SDK1: variants seen among roughly 807,000 people sequenced by gnomAD.
The protein encoded by SDK1 is sidekick cell adhesion molecule 1, also known as protein sidekick-1.
A neutral mutation model predicts 245.5 loss-of-function variants in SDK1; 157 were observed. That is an observed-to-expected ratio of 0.64 (90% CI 0.56 to 0.73). SDK1 has a LOEUF of 0.73. Among genes scored for constraint, SDK1 ranks in the 30% least tolerant of loss-of-function variants. The pLI, the probability that SDK1 is intolerant of heterozygous loss-of-function variation, is 0.00. For synonymous variants in SDK1, 1,647 were observed against 1,278.5 expected (o/e 1.29, Z -6.15); for missense variants, 3,583 against 3,002.3 (o/e 1.19, Z -4.52).
chr7:3,470,923 A>G (rs1168241625), intron 1 of SDK1, among the ~76,000 whole-genome samples: 1 of 152,144 alleles, frequency 6.6e-6, no homozygotes, highest in East Asian at 1.9e-4. Context: ...TATACAAGGC[A>G]TTGCCTATAA....
chr7:3,917,500 A>T (rs533895806), intron 5 of SDK1, among the ~76,000 whole-genome samples: 1 of 152,106 alleles, frequency 6.6e-6, no homozygotes, highest in African/African-American at 2.4e-5. Flanking sequence ...CCCTGTGCTC[A>T]GGGGCATCAG....
chr7:4,192,986 A>G (rs1233319736), intron 35 of SDK1, among the ~76,000 whole-genome samples: 3 of 146,596 alleles, frequency 2.0e-5, no homozygotes, highest in South Asian at 4.2e-4. Context: ...GACAGAACCA[A>G]TAGGCTATAT....
At chr7:3,699,130 A>G (rs1309598758) in intron 4 of SDK1, among the ~76,000 whole-genome samples, 1 of 152,200 alleles carries the variant, frequency 6.6e-6, no homozygotes, top group Non-Finnish European at 1.5e-5. Flanking sequence ...CTACTAGTGC[A>G]GTGTCAGAAG....
At chr7:3,307,924 G>A (rs536296376) in intron 1 of SDK1, among the ~76,000 whole-genome samples, 1 of 152,244 alleles carries the variant, frequency 6.6e-6, no homozygotes, top group African/African-American at 2.4e-5. Flanking sequence ...GTCTGCATGT[G>A]TCTCCTGTCT....
At chr7:4,164,341 C>T (rs1248050814) in intron 32 of SDK1, among the ~76,000 whole-genome samples, 3 of 152,186 alleles carry the variant, frequency 2.0e-5, no homozygotes, top group Non-Finnish European at 4.4e-5. Context: ...TTTGTAAGAA[C>T]AGAAGGTCAC....
At chr7:3,823,780 A>G (rs938101117) in intron 5 of SDK1, among the ~76,000 whole-genome samples, 1 of 152,184 alleles carries the variant, frequency 6.6e-6, no homozygotes, top group African/African-American at 2.4e-5. Context: ...GACAAAACCT[A>G]CATTTTGTTC....
intron 27 of SDK1, among the ~76,000 whole-genome samples, chr7:4,131,211 T>C (rs1784791761): frequency 6.6e-6 from 1 of 152,182 alleles, no homozygotes; most frequent in African/African-American, 2.4e-5. Flanking sequence ...CTGCAACTGT[T>C]CCCTCCTGAA....
At chr7:3,463,838 G>A (rs1253532627) in intron 1 of SDK1, among the ~76,000 whole-genome samples, 1 of 152,130 alleles carries the variant, frequency 6.6e-6, no homozygotes. Flanking sequence ...AGGGTCTAAT[G>A]CAATGGTGAC....
At chr7:3,640,740 G>A (rs1202234) in intron 3 of SDK1, among the ~76,000 whole-genome samples, 142,652 of 151,930 alleles carry the variant, frequency 0.94, 67,033 homozygotes, top group Admixed American at 0.97. Context: ...CTGGAGTGCA[G>A]TGGCACAATC....
At chr7:3,556,650 G>A (rs564527998) in intron 1 of SDK1, among the ~76,000 whole-genome samples, 28 of 151,818 alleles carry the variant, frequency 1.8e-4, no homozygotes, top group South Asian at 2.1e-4. Context: ...GTGAAACCTC[G>A]TCTCTACTAA....
At chr7:3,692,064 G>A (rs1007629866) in intron 4 of SDK1, among the ~76,000 whole-genome samples, 4 of 152,126 alleles carry the variant, frequency 2.6e-5, no homozygotes, top group Middle Eastern at 3.4e-3. Flanking sequence ...TGAGCAAGAC[G>A]GTTATGCTTC....
At chr7:3,832,022 G>A (rs1032278006) in intron 5 of SDK1, among the ~76,000 whole-genome samples, 1 of 152,148 alleles carries the variant, frequency 6.6e-6, no homozygotes. Context: ...CTGTACTCCA[G>A]CCTGGGCAAC....
intron 4 of SDK1, among the ~76,000 whole-genome samples, chr7:3,742,086 C>T (rs1009258758): frequency 4.7e-5 from 7 of 149,356 alleles, no homozygotes; most frequent in Non-Finnish European, 1.5e-5. Flanking sequence ...GGGGGGGGAG[C>T]AGTTTAAATT....
At chr7:3,589,456 C>T (rs564873274) in intron 1 of SDK1, among the ~76,000 whole-genome samples, 7 of 152,276 alleles carry the variant, frequency 4.6e-5, no homozygotes, top group South Asian at 2.1e-4. Flanking sequence ...TTAGGTTTTG[C>T]GTATATTACT....
intron 1 of SDK1, among the ~76,000 whole-genome samples, chr7:3,587,612 G>A (rs2128634619): frequency 1.3e-5 from 2 of 152,326 alleles, no homozygotes; most frequent in East Asian, 1.9e-4. Flanking sequence ...TGGACTGGAC[G>A]ATCCCTACCT....
At chr7:4,219,549 G>C (rs987804646) in intron 38 of SDK1, among the ~76,000 whole-genome samples, 6 of 152,198 alleles carry the variant, frequency 3.9e-5, no homozygotes, top group Non-Finnish European at 5.9e-5. Context: ...CACGAGAACA[G>C]AATGGGAGAA....
At chr7:3,582,054 G>C (rs1780514747) in intron 1 of SDK1, among the ~76,000 whole-genome samples, 1 of 58,394 alleles carries the variant, frequency 1.7e-5, no homozygotes. Flanking sequence ...GTCTCCCTCA[G>C]GTAGGCCTGT....
chr7:3,736,277 T>C (rs1475572921), intron 4 of SDK1, among the ~76,000 whole-genome samples: 1 of 152,176 alleles, frequency 6.6e-6, no homozygotes, highest in Non-Finnish European at 1.5e-5. Context: ...TTTAAAAACT[T>C]TATAATGAGA....
At chr7:3,854,932 G>A (rs1780507895) in intron 5 of SDK1, among the ~76,000 whole-genome samples, 3 of 152,096 alleles carry the variant, frequency 2.0e-5, no homozygotes, top group African/African-American at 7.2e-5. Context: ...CTGAGAGCAG[G>A]GTGGACCCAG....
Sources: gnomAD v4.1 joint callset for allele counts (sites outside exome capture counted in the v4.1 genomes callset) on GRCh38, gnomAD v4.1.1 for gene constraint, MANE v1.5 for transcripts, NCBI Gene and HGNC (gene_info 2026-07-23, HGNC 2026-07-21) for gene names.